ADGRL2: variants seen among roughly 807,000 people sequenced by gnomAD.
ADGRL2 encodes the protein calcium-independent alpha-latrotoxin receptor 2.
In ADGRL2, 44 loss-of-function variants were observed where a neutral mutation model predicts 157.4. The ratio of observed to expected loss-of-function variants is 0.28; its 90% CI spans 0.22 to 0.36. The LOEUF is 0.36. ADGRL2 is among the 10% of genes least tolerant of loss of function. The pLI is 1.00. For synonymous variants in ADGRL2, 585 were observed against 624.7 expected (o/e 0.94, Z 0.95); for missense variants, 1,510 against 1,768.9 (o/e 0.85, Z 2.63).
At chr1:81,818,385 G>C (rs1458577375) in intron 1 of ADGRL2, among the ~76,000 whole-genome samples, 1 of 151,974 alleles carries the variant, frequency 6.6e-6, no homozygotes, top group Non-Finnish European at 1.5e-5. Flanking sequence ...TGTAATTTTT[G>C]GTTTCCTACA....
intron 3 of ADGRL2, among the ~76,000 whole-genome samples, chr1:81,634,801 C>G (rs2082084380): frequency 6.6e-6 from 1 of 152,108 alleles, no homozygotes; most frequent in African/African-American, 2.4e-5. Flanking sequence ...GGATTACAAG[C>G]ATGAGCCGTC....
chr1:81,388,989 G>C (rs1382308349), intron 1 of ADGRL2, among the ~76,000 whole-genome samples: 2 of 152,022 alleles, frequency 1.3e-5, no homozygotes, highest in Non-Finnish European at 2.9e-5. Context: ...CAAAACCATA[G>C]CTAGAATCTG....
At chr1:81,867,474 C>T (rs1342606078) in intron 2 of ADGRL2, among the ~76,000 whole-genome samples, 2 of 152,200 alleles carry the variant, frequency 1.3e-5, no homozygotes, top group Non-Finnish European at 2.9e-5. Flanking sequence ...AGTTAGGAGG[C>T]AGCTCTACTG....
At chr1:81,373,504 A>G (rs2076195159) in intron 1 of ADGRL2, among the ~76,000 whole-genome samples, 1 of 152,224 alleles carries the variant, frequency 6.6e-6, no homozygotes, top group South Asian at 2.1e-4. Flanking sequence ...TTTATCAAGA[A>G]CAAACAGAGC....
At chr1:81,508,570 C>T (rs939476055) in intron 2 of ADGRL2, among the ~76,000 whole-genome samples, 2 of 152,190 alleles carry the variant, frequency 1.3e-5, no homozygotes, top group African/African-American at 4.8e-5. Context: ...TTAGACTTCA[C>T]TAACAAACAC....
At chr1:81,923,045 T>C (rs1004755281) in intron 3 of ADGRL2, among the ~76,000 whole-genome samples, 3 of 152,100 alleles carry the variant, frequency 2.0e-5, no homozygotes, top group Non-Finnish European at 4.4e-5. Context: ...AAAGAGCTCA[T>C]TGGGTAATAG....
intron 1 of ADGRL2, among the ~76,000 whole-genome samples, chr1:81,710,324 T>C (rs1441393917): frequency 6.6e-6 from 1 of 152,096 alleles, no homozygotes; most frequent in Non-Finnish European, 1.5e-5. Context: ...CAAAAATTAT[T>C]GAGGATTCTA....
chr1:81,891,693 C>T (rs1411318247), intron 2 of ADGRL2, among the ~76,000 whole-genome samples: 1 of 151,878 alleles, frequency 6.6e-6, no homozygotes, highest in African/African-American at 2.4e-5. Flanking sequence ...CCTTGAGTTA[C>T]TCGTTTAGAC....
At chr1:81,870,471 G>A (rs1225992380) in intron 2 of ADGRL2, among the ~76,000 whole-genome samples, 1 of 151,986 alleles carries the variant, frequency 6.6e-6, no homozygotes, top group African/African-American at 2.4e-5. Flanking sequence ...TAAAACCAAG[G>A]TAGATATGGA....
chr1:81,348,137 G>A (rs977688437), intron 1 of ADGRL2, among the ~76,000 whole-genome samples: 1 of 152,168 alleles, frequency 6.6e-6, no homozygotes, highest in Non-Finnish European at 1.5e-5. Context: ...GAGCCATGGG[G>A]TGATGTTGAC....
chr1:81,674,599 A>C (rs1484612432), intron 3 of ADGRL2, among the ~76,000 whole-genome samples: 2 of 152,230 alleles, frequency 1.3e-5, no homozygotes, highest in African/African-American at 4.8e-5. Flanking sequence ...TTGAGAGAAA[A>C]TCAAAGCAAA....
At chr1:81,334,237 C>T (rs1038841289) in intron 1 of ADGRL2, among the ~76,000 whole-genome samples, 1 of 152,130 alleles carries the variant, frequency 6.6e-6, no homozygotes, top group Non-Finnish European at 1.5e-5. Flanking sequence ...CTCATCTTCC[C>T]CATATCTTGG....
chr1:81,946,574 A>C (rs1572288773), intron 6 of ADGRL2, among the ~76,000 whole-genome samples: 1 of 152,272 alleles, frequency 6.6e-6, no homozygotes, highest in East Asian at 1.9e-4. Flanking sequence ...TATAAAGAAA[A>C]TGATGTGTTT....
At chr1:81,659,983 G>GC (rs371811985) in intron 3 of ADGRL2, among the ~76,000 whole-genome samples, 1 of 152,072 alleles carries the variant, frequency 6.6e-6, no homozygotes, top group Non-Finnish European at 1.5e-5. Context: ...AGAATCTATC[G>GC]CCCCCCAAAT....
intron 1 of ADGRL2, among the ~76,000 whole-genome samples, chr1:81,742,620 A>G (rs1168794133): frequency 1.3e-5 from 2 of 152,004 alleles, no homozygotes; most frequent in African/African-American, 2.4e-5. Flanking sequence ...ACAAAAACTT[A>G]TTCCATAAAT....
chr1:81,611,282 G>A (rs1490993243), intron 3 of ADGRL2, among the ~76,000 whole-genome samples: 1 of 152,190 alleles, frequency 6.6e-6, no homozygotes. Context: ...GAAGATATGG[G>A]ATCAAATTCT....
At chr1:81,542,604 G>A (rs2079911349) in intron 2 of ADGRL2, among the ~76,000 whole-genome samples, 1 of 152,168 alleles carries the variant, frequency 6.6e-6, no homozygotes, top group Non-Finnish European at 1.5e-5. Flanking sequence ...GACATTTTCA[G>A]AATAGTAAGG....
chr1:81,525,073 C>G (rs1241206323), intron 2 of ADGRL2, among the ~76,000 whole-genome samples: 1 of 151,984 alleles, frequency 6.6e-6, no homozygotes, highest in Non-Finnish European at 1.5e-5. Flanking sequence ...TGAATTAGAA[C>G]CTTTTGAGGT....
At chr1:81,428,621 T>A (rs1349688616) in intron 1 of ADGRL2, among the ~76,000 whole-genome samples, 1 of 151,700 alleles carries the variant, frequency 6.6e-6, no homozygotes, top group East Asian at 1.9e-4. Context: ...AGAGGAAGAG[T>A]AAAGGATTTT....
Sources: allele counts gnomAD v4.1 joint callset (sites outside exome capture counted in the v4.1 genomes callset), GRCh38; gene constraint gnomAD v4.1.1; transcripts MANE v1.5; gene names NCBI Gene and HGNC (gene_info 2026-07-23, HGNC 2026-07-21).